The following DNAJC17 variants were observed in gnomAD, a reference collection of about 807,000 sequenced individuals.
DNAJC17 encodes dnaJ homolog subfamily C member 17.
Under a neutral mutation model 48.1 loss-of-function variants are expected in DNAJC17, and 35 were observed. That is an observed-to-expected ratio of 0.73 (90% CI 0.56 to 0.96). The LOEUF (loss-of-function observed/expected upper bound fraction) is 0.96, where lower values mean the gene tolerates loss of function less well. Ranked by LOEUF, DNAJC17 falls within the 50% of genes least tolerant of loss-of-function variation. The probability of loss-of-function intolerance (pLI) is 0.00; values close to 1 mark genes in which losing one functional copy is unlikely to be tolerated. For synonymous variants in DNAJC17, 117 were observed against 142.7 expected, an observed-to-expected ratio of 0.82 and a Z score of 1.28; for missense variants, 355 against 377.1, an observed-to-expected ratio of 0.94 and a Z score of 0.48.
chr15:40,807,125 A>G, intron 1 of DNAJC17: 1 of 962,422 alleles, frequency 1.0e-6, no homozygotes, highest in Non-Finnish European at 1.5e-6. Context: ...TCTAGGAGAC[A>G]GGGGCCACGG....
intron 4 of DNAJC17, 23 bp from the exon 5 acceptor site, chr15:40,776,650 C>A (rs1185071511): frequency 1.2e-6 from 2 of 1,612,884 alleles, no homozygotes; most frequent in Admixed American, 1.7e-5. Context: ...GTTGAATGAC[C>A]AGACTGCTGG....
In DNAJC17 at chr15:40,776,239, G is replaced by A. The variant is rs1889316405; in HGVS notation, c.435C>T (p.Leu145=). 6.2e-7 allele frequency: 1 copy of A among 1,614,098 alleles called. No individual in the cohort carries two copies. The highest frequency in any genetic ancestry group is 8.5e-7 in the Non-Finnish European group (1 of 1,180,014). Residue 145 remains leucine, a synonymous_variant, in exon 6 of 11, where the codon CTC becomes CTT. Transcript: ENST00000220496. ...GCTCCTGGCGTATCTGCTCCCGGAT[G>A]AGCCTCTGCTGTTCCTCCAGCTGCC... ...GSRQLEEQQR[L]IREQIRQERD...
chr15:40,765,813 G>A lies in DNAJC17; in HGVS notation c.*2127C>T, dbSNP rs2141940502. 1 of 1,475,730 alleles carries A rather than the reference G, an allele frequency of 6.8e-7. No homozygotes were observed. Among genetic ancestry groups the A allele is most frequent in the East Asian group, 2.4e-5 (1 of 41,244 alleles). 91.4% of individuals were successfully genotyped at this position (1,475,730 alleles called of 1,614,324 possible). ...TGGCAGCCAGCCAAGCAGCCACTGT[G>A]GCTTACCTTGCAGGAGGTGGGCCCC... On this transcript the variant is annotated 3_prime_UTR_variant, in exon 11 of 11. Transcript: ENST00000220496.
intron 1 of DNAJC17, among the ~76,000 whole-genome samples, chr15:40,799,377 C>T (rs911266109): frequency 8.6e-5 from 13 of 151,238 alleles, no homozygotes; most frequent in African/African-American, 3.2e-4. Context: ...CTGCCTGTAT[C>T]CTCTAGGGCT....
At chr15:40,788,780 G>T (rs1229315646) in intron 1 of DNAJC17, among the ~76,000 whole-genome samples, 1 of 152,130 alleles carries the variant, frequency 6.6e-6, no homozygotes, top group African/African-American at 2.4e-5. Flanking sequence ...GTGGGGCTGG[G>T]AAGGATTATT....
At position 40,777,036 on chromosome 15, in the gene DNAJC17, G is replaced by T. The variant is rs976288463; in HGVS notation, c.296-409C>A. 2.8e-5 allele frequency: 6 copies of T among 211,338 alleles called. No homozygotes were observed. In the South Asian group the frequency reaches 4.8e-4, roughly 17 times the overall value. 13.1% of individuals were successfully genotyped at this position (211,338 alleles called of 1,614,324 possible). Reference sequence around the variant, plus strand: ...TGATTCTTTTCACACACTGAGCTCAGGTTCTCACTGTCTCCTTTACCTCCC... The same window carrying T: ...TGATTCTTTTCACACACTGAGCTCATGTTCTCACTGTCTCCTTTACCTCCC... On this transcript the variant is annotated intron_variant, in intron 4 of 10. Transcript: ENST00000220496.
At chr15:40,773,675 A>C (rs770351943) in intron 10 of DNAJC17, 52 bp downstream of exon 10, 67 of 1,433,094 alleles carry the variant, frequency 4.7e-5, no homozygotes, top group Admixed American at 9.5e-5. Flanking sequence ...GAGCCCAGGT[A>C]GGAAGAGCTC....
chr15:40,787,399 T>C (rs1034118295), intron 1 of DNAJC17, among the ~76,000 whole-genome samples: 2 of 152,196 alleles, frequency 1.3e-5, no homozygotes, highest in African/African-American at 4.8e-5. Flanking sequence ...TGTCAATTAC[T>C]TCAGACCCAC....
At chr15:40,776,467 G>A in intron 5 of DNAJC17, 75 bp downstream of exon 5, 2 of 1,568,964 alleles carry the variant, frequency 1.3e-6, no homozygotes, top group Non-Finnish European at 1.7e-6. Context: ...TCTAGCCACG[G>A]CGACCACCAG....
At position 40,776,312 on chromosome 15, in the gene DNAJC17, G is replaced by A. The variant is rs747790802; in HGVS notation, c.382-20C>T. 2.0e-5 allele frequency: 33 copies of A among 1,610,978 alleles called. No homozygotes were observed. Among genetic ancestry groups the A allele is most frequent in the Non-Finnish European group, 2.8e-5 (33 of 1,178,178 alleles). On this transcript the variant is annotated intron_variant, in intron 5 of 10. Transcript: ENST00000220496. Reference sequence around the variant, plus strand: ...TTCGATCTGCAGAGCAGGGGGTGGGGGTGACAATTCTGTGCAGGTCCAATT... The same window carrying A: ...TTCGATCTGCAGAGCAGGGGGTGGGAGTGACAATTCTGTGCAGGTCCAATT...
chr15:40,804,130 C>CT (rs138636860), intron 1 of DNAJC17, among the ~76,000 whole-genome samples: 2,234 of 147,026 alleles, frequency 0.015, 54 homozygotes, highest in African/African-American at 0.053. Context: ...CCCTGCCCAG[C>CT]TTTTTTTTTT....
In DNAJC17 at chr15:40,780,826, TAAAATAAAATAA is replaced by T. The variant is rs199949043; in HGVS notation, c.79-841_79-830del. Among the ~76,000 whole-genome samples, 521 of 144,550 alleles carry T rather than the reference TAAAATAAAATAA, an allele frequency of 3.6e-3. 2 individuals are homozygous for T. The highest frequency in any genetic ancestry group is 0.026 in the East Asian group (122 of 4,766). 94.8% of individuals were successfully genotyped at this position (144,550 alleles called of 152,430 possible). A position where few individuals can be genotyped will look rare whatever the true frequency, so the allele number is the denominator to read the frequency against. ...AGACTCTGTCTCAAATAAAATAAAA[TAAAATAAAATAA>T]AAAATAAAATAAAAGATTATGATTG... On this transcript the variant is annotated intron_variant, in intron 1 of 10. Transcript: ENST00000220496.
Position 40,767,201 on chromosome 15 carries a change from C to T in DNAJC17, c.*739G>A, listed in dbSNP as rs761724887. ...GGAGCTTGCTGTGTGCCCCTCCTCA[C>T]CCCCCCCATCCTGTCTCTTTGCAGT... On this transcript the variant is annotated 3_prime_UTR_variant, in exon 11 of 11. Transcript: ENST00000220496. The T allele has an allele frequency of 3.5e-6, 5 of 1,437,998 alleles. No homozygotes were observed. The highest frequency in any genetic ancestry group is 4.6e-6 in the Non-Finnish European group (5 of 1,093,920). The allele number at this position is 1,437,998 out of a possible 1,614,324, so 89.1% of individuals were successfully genotyped here.
At position 40,775,333 on chromosome 15, in the gene DNAJC17, T is replaced by C. The variant is rs140001448; in HGVS notation, c.522+220A>G. 8.9e-5 allele frequency: 63 copies of C among 707,194 alleles called. No homozygotes were observed. The East Asian group carries it at 1.6e-3, about 18-fold the overall frequency. The allele number at this position is 707,194 out of a possible 1,614,324, so 43.8% of individuals were successfully genotyped here. On this transcript the variant is annotated intron_variant, in intron 7 of 10. Transcript: ENST00000220496. ...CCAGAAGACCCTCTCCTGAGAGGGC[T>C]TCTAGAGAATCCTCTGCCCTGTGAT...
chr15:40,779,361 A>C (rs1299367663), intron 3 of DNAJC17, 51 bp from the exon 4 acceptor site: 1 of 1,603,868 alleles, frequency 6.2e-7, no homozygotes, highest in South Asian at 1.1e-5. Context: ...GAGTAAAGAC[A>C]GAGCCCCGGC....
At chr15:40,792,739 CA>C (rs1272948447) in intron 1 of DNAJC17, among the ~76,000 whole-genome samples, 1 of 152,170 alleles carries the variant, frequency 6.6e-6, no homozygotes, top group Non-Finnish European at 1.5e-5. Context: ...CAGAAATACA[CA>C]TGTGGGCTGC....
chr15:40,799,420 A>T (rs1890021879), intron 1 of DNAJC17, among the ~76,000 whole-genome samples: 1 of 151,912 alleles, frequency 6.6e-6, no homozygotes, highest in African/African-American at 2.4e-5. Flanking sequence ...CTGATTGTTA[A>T]ATCCCCATGA....
rs1888977702 is a variant in DNAJC17 at position 40,767,506 on chromosome 15, A to C, written c.*434T>G. On this transcript the variant is annotated 3_prime_UTR_variant, in exon 11 of 11. Transcript: ENST00000220496. ...AAAGGGCAGTGAATGGCCTTCTCTG[A>C]AACCCTGCGTCAAGCAGTGGGAGAG... 5 of 839,298 alleles carry C rather than the reference A, an allele frequency of 6.0e-6. No homozygotes were observed. Among genetic ancestry groups the C allele is most frequent in the Middle Eastern group, 3.7e-4 (1 of 2,692 alleles). The allele number at this position is 839,298 out of a possible 1,614,324, so 52.0% of individuals were successfully genotyped here. A position where few individuals can be genotyped will look rare whatever the true frequency, so the allele number is the denominator to read the frequency against.
intron 2 of DNAJC17, 150 bp from the exon 3 acceptor site, chr15:40,779,753 G>T: frequency 9.2e-7 from 1 of 1,083,156 alleles, no homozygotes; most frequent in Non-Finnish European, 1.3e-6. Flanking sequence ...GGAGGGGTGA[G>T]CATATCAGCA....
Sources: allele counts gnomAD v4.1 joint callset (sites outside exome capture counted in the v4.1 genomes callset), GRCh38; gene constraint gnomAD v4.1.1; transcripts MANE v1.5; gene names NCBI Gene and HGNC (gene_info 2026-07-23, HGNC 2026-07-21).